The following NDUFS6 variants were observed in gnomAD, a reference collection of about 807,000 sequenced individuals.
The protein encoded by NDUFS6 is NADH dehydrogenase [ubiquinone] iron-sulfur protein 6, mitochondrial.
In NDUFS6, 14 loss-of-function variants were observed where a neutral mutation model predicts 13.2. The ratio of observed to expected loss-of-function variants is 1.06; its 90% CI spans 0.70 to 1.66. The LOEUF (loss-of-function observed/expected upper bound fraction) is 1.66, where lower values mean the gene tolerates loss of function less well. Among genes scored for constraint, NDUFS6 ranks in the 40% most tolerant of loss-of-function variants. The pLI, the probability that NDUFS6 is intolerant of heterozygous loss-of-function variation, is 0.00. For missense variants in NDUFS6, 206 were observed against 170.8 expected, an observed-to-expected ratio of 1.21 and a Z score of -1.15; for synonymous variants, 95 against 72.3, an observed-to-expected ratio of 1.31 and a Z score of -1.60.
At chr5:1,813,025 C>G (rs1734243737) in intron 2 of NDUFS6, among the ~76,000 whole-genome samples, 1 of 152,012 alleles carries the variant, frequency 6.6e-6, no homozygotes, top group Admixed American at 6.5e-5. Context: ...GCATTCCAGC[C>G]TGGGCGACAG....
Position 1,812,724 on chromosome 5 carries a change from C to T in NDUFS6, c.187-1615C>T, listed in dbSNP as rs945822973. On this transcript the variant is annotated intron_variant, in intron 2 of 3. Transcript: ENST00000274137. ...GTGGGCAGCAGGGGTCCTCATTGCC[C>T]TGAGTTAATCATGGTCCTGGGGATG... 4.0e-5 allele frequency among the ~76,000 whole-genome samples: 6 copies of T among 151,538 alleles called. No homozygotes were observed. The East Asian group carries it at 1.2e-3, about 30-fold the overall frequency.
At chr5:1,805,116 A>G (rs1032427989) in intron 2 of NDUFS6, among the ~76,000 whole-genome samples, 2 of 152,192 alleles carry the variant, frequency 1.3e-5, no homozygotes, top group Admixed American at 6.5e-5. Flanking sequence ...TGATCACTTG[A>G]GCCCAGGCGT....
intron 2 of NDUFS6, among the ~76,000 whole-genome samples, chr5:1,810,453 C>G (rs1734201045): frequency 6.6e-6 from 1 of 152,128 alleles, no homozygotes; most frequent in Non-Finnish European, 1.5e-5. Flanking sequence ...GTTGACTGTT[C>G]CCAGGGGCAG....
intron 2 of NDUFS6, among the ~76,000 whole-genome samples, chr5:1,811,522 A>G (rs1734219463): frequency 6.6e-6 from 1 of 152,254 alleles, no homozygotes; most frequent in South Asian, 2.1e-4. Flanking sequence ...GTAAGTTCCT[A>G]CATGCAGCTG....
Position 1,814,640 on chromosome 5 carries a change from C to A in NDUFS6, c.309+179C>A. 1 of 959,248 alleles carries A rather than the reference C, an allele frequency of 1.0e-6. No homozygotes were observed. Among genetic ancestry groups the A allele is most frequent in the Non-Finnish European group, 1.6e-6 (1 of 619,306 alleles). The allele number at this position is 959,248 out of a possible 1,614,324, so 59.4% of individuals were successfully genotyped here. On this transcript the variant is annotated intron_variant, in intron 3 of 3. Coordinates refer to ENST00000274137, the MANE Select transcript of NDUFS6 (RefSeq NM_004553.6). The surrounding 1 kb of genome is among the most constrained non-coding windows in gnomAD (Gnocchi z 4.9). ...GCCACACTACAGGGCCTACATAGAG[C>A]CGCCTGTCCGAAAACCCCCTTTCAA...
chr5:1,814,224 A>C lies in NDUFS6; in HGVS notation c.187-115A>C, dbSNP rs1475737095. 3.6e-6 allele frequency: 5 copies of C among 1,401,468 alleles called. No homozygotes were observed. In the Admixed American group the frequency reaches 6.7e-5, roughly 19 times the overall value. 86.8% of individuals were successfully genotyped at this position (1,401,468 alleles called of 1,614,324 possible). The stretch of plus-strand genomic sequence containing the variant: ...GGTCTACAATGATAATAGTTAAATG[A>C]AGCATGCACCATAGATTCGTGCTGA... On this transcript the variant is annotated intron_variant, in intron 2 of 3. Coordinates refer to ENST00000274137, the MANE Select transcript of NDUFS6 (RefSeq NM_004553.6). The surrounding 1 kb of genome is among the most constrained non-coding windows in gnomAD (Gnocchi z 4.9).
intron 2 of NDUFS6, among the ~76,000 whole-genome samples, chr5:1,811,542 C>G (rs1404703819): frequency 6.6e-6 from 1 of 152,174 alleles, no homozygotes; most frequent in Non-Finnish European, 1.5e-5. Context: ...GTTGGTGTCT[C>G]TTATGTCTCT....
rs1232755151 is a variant in NDUFS6 at position 1,814,341 on chromosome 5, G to A, written c.189G>A (p.Val63=). The A allele has an allele frequency of 6.2e-7, 1 of 1,614,110 alleles. No individual in the cohort carries two copies. Among genetic ancestry groups the A allele is most frequent in the Non-Finnish European group, 8.5e-7 (1 of 1,180,050 alleles). ...RIRFVGRQKE[V]NENFAIDLIA... is the part of the protein sequence containing the mutation. ...GTAAGTCTTTCTTCTTGTTCCAGGT[G>A]AATGAAAACTTTGCCATTGATTTGA... Residue 63 remains valine (V), a splice_region_variant and synonymous_variant, in exon 3 of 4, where the codon GTG becomes GTA. Coordinates refer to ENST00000274137, the MANE Select transcript of NDUFS6 (RefSeq NM_004553.6). The surrounding 1 kb of genome is among the most constrained non-coding windows in gnomAD (Gnocchi z 4.9).
intron 1 of NDUFS6, 103 bp downstream of exon 1, chr5:1,801,652 A>G: frequency 8.1e-6 from 12 of 1,472,472 alleles, no homozygotes; most frequent in Non-Finnish European, 1.1e-5. Context: ...CTGCGCCGGC[A>G]GCGCAGGTCG....
At chr5:1,804,801 A>G (rs1734098648) in intron 2 of NDUFS6, among the ~76,000 whole-genome samples, 1 of 152,216 alleles carries the variant, frequency 6.6e-6, no homozygotes, top group East Asian at 1.9e-4. Flanking sequence ...CCTGTGTCAC[A>G]GTTGATGAGC....
At chr5:1,807,504 G>C (rs1164413184) in intron 2 of NDUFS6, among the ~76,000 whole-genome samples, 1 of 152,174 alleles carries the variant, frequency 6.6e-6, no homozygotes, top group Non-Finnish European at 1.5e-5. Flanking sequence ...ATTGACCAGA[G>C]GTTCCTCCCT....
chr5:1,803,182 G>C (rs1023576956), intron 2 of NDUFS6, among the ~76,000 whole-genome samples: 9 of 152,130 alleles, frequency 5.9e-5, no homozygotes, highest in Admixed American at 5.2e-4. Flanking sequence ...TGTAGTTTTT[G>C]TACGTCTATT....
At chr5:1,809,675 A>G (rs1734188263) in intron 2 of NDUFS6, among the ~76,000 whole-genome samples, 1 of 152,194 alleles carries the variant, frequency 6.6e-6, no homozygotes, top group South Asian at 2.1e-4. Context: ...GGGGCCTGGC[A>G]GTTTGTTAGT....
intron 2 of NDUFS6, among the ~76,000 whole-genome samples, chr5:1,806,370 G>T (rs115751411): frequency 6.6e-6 from 1 of 152,132 alleles, no homozygotes; most frequent in African/African-American, 2.4e-5. Context: ...TTGGGTCAGC[G>T]AGATTCTGCA....
At chr5:1,808,722 T>A (rs1734165706) in intron 2 of NDUFS6, among the ~76,000 whole-genome samples, 1 of 152,232 alleles carries the variant, frequency 6.6e-6, no homozygotes, top group Non-Finnish European at 1.5e-5. Flanking sequence ...GACAGCTCAA[T>A]TGTGGTTTTT....
At chr5:1,811,600 G>C (rs1242607950) in intron 2 of NDUFS6, among the ~76,000 whole-genome samples, 1 of 152,184 alleles carries the variant, frequency 6.6e-6, no homozygotes. Flanking sequence ...TCTCATTGGA[G>C]AATTTTATTT....
Position 1,801,482 on chromosome 5 carries a change from C to T in NDUFS6, c.65C>T (p.Pro22Leu), listed in dbSNP as rs1561101889. Residue 22 changes from proline (P) to leucine (L), a missense_variant, in exon 1 of 4, where the codon CCC (proline) becomes CTC (leucine). Physicochemically the swap from Pro to Leu is moderately conservative, Grantham distance 98. Transcript: ENST00000274137. Reference protein sequence around the residue: ...NRCGEAARSLPLGARCFGVRV... With the variant: ...NRCGEAARSLLLGARCFGVRV... The stretch of plus-strand genomic sequence containing the variant: ...TGTGGCGAGGCGGCGCGGAGCCTGC[C>T]CCTGGGCGCCAGGTGTTTCGGGGTG... 4 of 1,603,288 alleles carry T rather than the reference C, an allele frequency of 2.5e-6. No homozygotes were observed. Among genetic ancestry groups the T allele is most frequent in the South Asian group, 1.1e-5 (1 of 90,818 alleles).
At chr5:1,802,219 A>C in intron 1 of NDUFS6, 102 bp from the exon 2 acceptor site, 1 of 1,170,186 alleles carries the variant, frequency 8.5e-7, no homozygotes, top group Non-Finnish European at 1.3e-6. Context: ...CAATGGCCTA[A>C]AAGTTAAGAA....
At chr5:1,805,201 C>T (rs937913961) in intron 2 of NDUFS6, among the ~76,000 whole-genome samples, 1 of 152,146 alleles carries the variant, frequency 6.6e-6, no homozygotes, top group Non-Finnish European at 1.5e-5. Flanking sequence ...CATGGTGGCA[C>T]ATGCCTGTAG....
Sources: gnomAD v4.1 joint callset for allele counts (sites outside exome capture counted in the v4.1 genomes callset) on GRCh38, gnomAD v4.1.1 for gene constraint, Gnocchi (gnomAD v3.1) non-coding constraint, MANE v1.5 for transcripts, NCBI Gene and HGNC (gene_info 2026-07-23, HGNC 2026-07-21) for gene names.